FNDC3A: variants seen among roughly 807,000 people sequenced by gnomAD.
FNDC3A encodes fibronectin type III domain containing 3A.
Under a neutral mutation model 148.9 loss-of-function variants are expected in FNDC3A, and 32 were observed. That is an observed-to-expected ratio of 0.21 (90% CI 0.16 to 0.29). FNDC3A has a LOEUF of 0.29. Ranked by LOEUF, FNDC3A falls within the 10% of genes least tolerant of loss-of-function variation. FNDC3A has a pLI of 1.00. For synonymous variants in FNDC3A, 472 were observed against 473.6 expected (o/e 1.00, Z 0.04); for missense variants, 1,191 against 1,452.8 (o/e 0.82, Z 2.93).
chr13:49,110,456 C>A, intron 3 of FNDC3A: 2 of 1,215,998 alleles, frequency 1.6e-6, no homozygotes, highest in Non-Finnish European at 2.4e-6. Context: ...AGACAGAAAG[C>A]ATTGTATTAA....
At chr13:49,055,172 T>C (rs1336785659) in intron 2 of FNDC3A, among the ~76,000 whole-genome samples, 2 of 151,944 alleles carry the variant, frequency 1.3e-5, no homozygotes, top group African/African-American at 4.8e-5. Flanking sequence ...GTCACGTTCG[T>C]GGCTCACTTC....
Position 49,079,743 on chromosome 13 carries a change from C to T in FNDC3A, c.175+4379C>T, listed in dbSNP as rs545862635. On this transcript the variant is annotated intron_variant, in intron 3 of 25. Transcript: ENST00000492622. Reference sequence around the variant, plus strand: ...TGAGCTTCTCTCTCTTCCCTTCACCCTATAAAAAGGAAAAAAAAGGTGGGG... The same window carrying T: ...TGAGCTTCTCTCTCTTCCCTTCACCTTATAAAAAGGAAAAAAAAGGTGGGG... Among the ~76,000 whole-genome samples the T allele has an allele frequency of 7.9e-5, 12 of 151,986 alleles. No individual in the cohort carries two copies. The South Asian group carries it at 8.3e-4, about 11-fold the overall frequency.
At chr13:49,120,535 CACAG>C (rs1371991009) in intron 4 of FNDC3A, among the ~76,000 whole-genome samples, 2 of 152,018 alleles carry the variant, frequency 1.3e-5, no homozygotes, top group East Asian at 1.9e-4. Flanking sequence ...AATTAAAAGA[CACAG>C]ACAGGCAAAT....
intron 15 of FNDC3A, among the ~76,000 whole-genome samples, chr13:49,186,666 G>A (rs1273863867): frequency 2.0e-5 from 3 of 152,198 alleles, no homozygotes; most frequent in South Asian, 2.1e-4. Context: ...TCAGGAGTTC[G>A]AGACCAGCCT....
At chr13:49,129,005 A>T (rs1033521573) in intron 4 of FNDC3A, among the ~76,000 whole-genome samples, 1 of 152,186 alleles carries the variant, frequency 6.6e-6, no homozygotes, top group Non-Finnish European at 1.5e-5. Flanking sequence ...TGCCTTTTCC[A>T]TAGTATTTAT....
intron 3 of FNDC3A, among the ~76,000 whole-genome samples, chr13:49,080,958 A>G (rs982645148): frequency 2.0e-5 from 3 of 152,180 alleles, no homozygotes; most frequent in African/African-American, 7.2e-5. Context: ...ATATTTTTAC[A>G]TATGTTTATA....
At chr13:49,047,754 CTG>C (rs1281457099) in intron 2 of FNDC3A, among the ~76,000 whole-genome samples, 2 of 152,168 alleles carry the variant, frequency 1.3e-5, no homozygotes, top group Non-Finnish European at 2.9e-5. Context: ...TCTGCTAACT[CTG>C]TGGATTATTT....
intron 2 of FNDC3A, among the ~76,000 whole-genome samples, chr13:49,063,310 A>G (rs1476817172): frequency 6.6e-6 from 1 of 152,244 alleles, no homozygotes; most frequent in Non-Finnish European, 1.5e-5. Flanking sequence ...TGATTTTAAA[A>G]GGAAAGAAAC....
Position 49,145,784 on chromosome 13 carries a change from G to A in FNDC3A, c.826G>A (p.Asp276Asn), listed in dbSNP as rs201004322. Residue 276 changes from aspartate (D) to asparagine (N), a missense_variant, in exon 8 of 26, where the codon GAC becomes AAC. By Grantham distance (23) the Asp-to-Asn change is conservative (BLOSUM62 1). This residue lies in a region of FNDC3A where 426 missense variants were observed against 473.2 expected (regional missense o/e 0.90). Coordinates refer to ENST00000492622, the MANE Select transcript of FNDC3A (RefSeq NM_001079673.2). The part of the protein sequence containing the change: ...LSNIVKPVAS[D>N]IQARTVVLTW... ...AAATGTTGTATTTTTACAGGCCTCC[G>A]ACATCCAGGCAAGGACAGTAGTACT... 137 of 1,613,292 alleles carry A rather than the reference G, an allele frequency of 8.5e-5. 1 individual carries two copies. In the East Asian group the frequency reaches 2.7e-3, roughly 32 times the overall value.
chr13:48,996,547 A>G (rs752961264), intron 1 of FNDC3A, among the ~76,000 whole-genome samples: 54 of 152,356 alleles, frequency 3.5e-4, no homozygotes, highest in Admixed American at 3.3e-3. Flanking sequence ...GAGATGATTT[A>G]AAGTATACAG....
chr13:49,037,395 T>C (rs1390423136), intron 2 of FNDC3A, among the ~76,000 whole-genome samples: 2 of 152,202 alleles, frequency 1.3e-5, no homozygotes, highest in Non-Finnish European at 2.9e-5. Context: ...TGTTATTAAC[T>C]GTCATTCAAG....
At chr13:49,205,221 T>C (rs1031924821) in intron 25 of FNDC3A, among the ~76,000 whole-genome samples, 9 of 152,208 alleles carry the variant, frequency 5.9e-5, no homozygotes, top group Admixed American at 2.0e-4. Flanking sequence ...ATCACCCTCA[T>C]GCCATTTGTT....
intron 2 of FNDC3A, among the ~76,000 whole-genome samples, chr13:49,066,221 T>C (rs1877251842): frequency 6.6e-6 from 1 of 152,156 alleles, no homozygotes; most frequent in Non-Finnish European, 1.5e-5. Context: ...AAATAGTCAT[T>C]TGGAGCCAAG....
At chr13:49,114,980 G>C (rs1202534983) in intron 4 of FNDC3A, among the ~76,000 whole-genome samples, 1 of 151,948 alleles carries the variant, frequency 6.6e-6, no homozygotes, top group Non-Finnish European at 1.5e-5. Flanking sequence ...CTAGAGTTTT[G>C]TCTCCCTAAA....
chr13:49,162,479 T>C (rs1434508189), intron 8 of FNDC3A, among the ~76,000 whole-genome samples: 1 of 152,226 alleles, frequency 6.6e-6, no homozygotes, highest in Non-Finnish European at 1.5e-5. Context: ...AGGTCTTCTC[T>C]ATGCTGTATA....
Position 49,209,536 on chromosome 13 carries a change from A to G in FNDC3A, c.*2141A>G, listed in dbSNP as rs755392320. 2.6e-5 allele frequency: 4 copies of G among 152,660 alleles called. No homozygotes were observed. The highest frequency in any genetic ancestry group is 6.5e-5 in the Admixed American group (1 of 15,284). The allele number at this position is 152,660 out of a possible 1,614,324, so 9.5% of individuals were successfully genotyped here. A position where few individuals can be genotyped will look rare whatever the true frequency, so the allele number is the denominator to read the frequency against. On this transcript the variant is annotated 3_prime_UTR_variant, in exon 26 of 26. Transcript: ENST00000492622. ...AAAATCTCATAAAAATACATAAACTATGTAGCAAAAGTATCTGTAAAATCC... is the reference window on the plus strand; with the variant it reads ...AAAATCTCATAAAAATACATAAACTGTGTAGCAAAAGTATCTGTAAAATCC...
chr13:48,992,778 A>G (rs1319032162), intron 1 of FNDC3A, among the ~76,000 whole-genome samples: 2 of 152,256 alleles, frequency 1.3e-5, no homozygotes, highest in Non-Finnish European at 1.5e-5. Context: ...GGTTGGTGCG[A>G]AAGTAACTGG....
At chr13:49,102,530 A>G (rs1879926664) in intron 3 of FNDC3A, among the ~76,000 whole-genome samples, 1 of 152,206 alleles carries the variant, frequency 6.6e-6, no homozygotes, top group Non-Finnish European at 1.5e-5. Flanking sequence ...AAACTTAACA[A>G]GACTTAACTT....
chr13:49,191,203 T>G lies in FNDC3A; in HGVS notation c.2051-6T>G, dbSNP rs746179067. On this transcript the variant is annotated splice_region_variant and splice_polypyrimidine_tract_variant and intron_variant, in intron 18 of 25. Coordinates refer to ENST00000492622, the MANE Select transcript of FNDC3A (RefSeq NM_001079673.2). ...GTTAAATTGCATTAATCTTTCCATC[T>G]TTTAGGACCCCCTCTGGTTGATGGT... 1.2e-5 allele frequency: 19 copies of G among 1,605,650 alleles called. No individual in the cohort carries two copies. The highest frequency in any genetic ancestry group is 5.6e-5 in the South Asian group (5 of 89,696).
Sources: allele counts gnomAD v4.1 joint callset (sites outside exome capture counted in the v4.1 genomes callset), GRCh38; gene constraint gnomAD v4.1.1; regional missense constraint gnomAD v4.1.1; transcripts MANE v1.5; gene names NCBI Gene and HGNC (gene_info 2026-07-23, HGNC 2026-07-21).